The following TRRAP variants were observed in gnomAD, a reference collection of about 807,000 sequenced individuals.
TRRAP encodes transformation/transcription domain associated protein.
A neutral mutation model predicts 438.8 loss-of-function variants in TRRAP; 41 were observed. The observed-to-expected ratio is 0.09, with a 90% CI of 0.07 to 0.12. The LOEUF (loss-of-function observed/expected upper bound fraction) is 0.12, where lower values mean the gene tolerates loss of function less well. Among genes scored for constraint, TRRAP ranks in the 10% least tolerant of loss-of-function variants. The pLI is 1.00. For missense variants in TRRAP, 3,122 were observed against 5,055.1 expected (o/e 0.62, Z 11.60); for synonymous variants, 1,994 against 1,962.9 (o/e 1.02, Z -0.42).
chr7:98,902,686 A>G (rs536026856), intron 11 of TRRAP, among the ~76,000 whole-genome samples: 1 of 152,256 alleles, frequency 6.6e-6, no homozygotes, highest in South Asian at 2.1e-4. Flanking sequence ...TGACACCGCA[A>G]AAGAAGATTG....
At position 98,937,233 on chromosome 7, in the gene TRRAP, A is replaced by G. The variant is rs2116544232; in HGVS notation, c.4189A>G (p.Thr1397Ala). 6.2e-7 allele frequency: 1 copy of G among 1,613,524 alleles called. No homozygotes were observed. Among genetic ancestry groups the G allele is most frequent in the Non-Finnish European group, 8.5e-7 (1 of 1,179,622 alleles). Reference protein sequence around the residue: ...IAALFKALNSTNSELQEAGEA... With the variant: ...IAALFKALNSANSELQEAGEA... ...TGCACTCTTCAAAGCCCTGAATTCCACCAATAGTGAGCTCCAAGAGGCCGG... is the reference window on the plus strand; with the variant it reads ...TGCACTCTTCAAAGCCCTGAATTCCGCCAATAGTGAGCTCCAAGAGGCCGG... The change falls in exon 29 of 73, where the codon ACC becomes GCC. Residue 1397 changes from threonine to alanine, a missense_variant. By Grantham distance (58) the Thr-to-Ala change is moderately conservative. This residue lies in a region of TRRAP where 84 missense variants were observed against 119.8 expected (regional missense o/e 0.70). Transcript: ENST00000456197.
chr7:98,948,478 T>G lies in TRRAP; in HGVS notation c.4669-88T>G, dbSNP rs1791186464. The G allele has an allele frequency of 1.2e-6, 2 of 1,612,054 alleles. No individual in the cohort carries two copies. The highest frequency in any genetic ancestry group is 4.5e-5 in the East Asian group (2 of 44,866). ...CATTTGCTTGTGGGTGTTCATGCAC[T>G]CCAGTAACAAGGGACCTTGTTAGGT... On this transcript the variant is annotated intron_variant, in intron 34 of 72. Transcript: ENST00000456197. The surrounding 1 kb of genome is among the most constrained non-coding windows in gnomAD (Gnocchi z 4.9).
chr7:98,926,633 T>C (rs782474679), intron 22 of TRRAP, among the ~76,000 whole-genome samples: 4 of 151,894 alleles, frequency 2.6e-5, no homozygotes, highest in Admixed American at 6.6e-5. Flanking sequence ...CCATGGAAGA[T>C]TGAGGATGAG....
At chr7:98,974,048 C>T (rs1173671596) in intron 53 of TRRAP, among the ~76,000 whole-genome samples, 5 of 152,144 alleles carry the variant, frequency 3.3e-5, no homozygotes, top group Non-Finnish European at 7.3e-5. Flanking sequence ...ATGTTCTGGA[C>T]ACTGGAAACA....
At chr7:98,917,128 C>G (rs1789552513) in intron 19 of TRRAP, among the ~76,000 whole-genome samples, 1 of 152,100 alleles carries the variant, frequency 6.6e-6, no homozygotes, top group South Asian at 2.1e-4. Flanking sequence ...TTACTAAAGT[C>G]TGATAGTACA....
Position 98,948,318 on chromosome 7 carries a change from C to T in TRRAP, c.4646C>T (p.Thr1549Met). ...VKPLLEVVMK[T>M]ERAMLIEAGS... ...CCTTTGCTAGAGGTTGTCATGAAAA[C>T]GGAGCGGGCGATGCTGATCGAGGTA... The change falls in exon 34 of 73, where the codon ACG becomes ATG. Residue 1549 changes from threonine (T) to methionine (M), a missense_variant. By Grantham distance (81) the Thr-to-Met change is moderately conservative. This residue lies in a region of TRRAP where 108 missense variants were observed against 256.9 expected (regional missense o/e 0.42). Coordinates refer to ENST00000456197, the MANE Select transcript of TRRAP (RefSeq NM_001375524.1). This position sits in a 1 kb window ranked among gnomAD's most constrained non-coding sequence, Gnocchi z 4.9. 6.2e-7 allele frequency: 1 copy of T among 1,614,196 alleles called. No homozygotes were observed. The highest frequency in any genetic ancestry group is 8.5e-7 in the Non-Finnish European group (1 of 1,180,048).
rs200070124 is a variant in TRRAP at position 99,012,067 on chromosome 7, G to A, written c.11338-4G>A. ...CAAGTCGTCTCGTTCTCTCCCTCAC[G>A]CAGGTGGATGGCATTCTGAAAACGG... On this transcript the variant is annotated splice_polypyrimidine_tract_variant and splice_region_variant and intron_variant, in intron 72 of 72. Coordinates refer to ENST00000456197, the MANE Select transcript of TRRAP (RefSeq NM_001375524.1). This position sits in a 1 kb window ranked among gnomAD's most constrained non-coding sequence, Gnocchi z 5.9. The A allele has an allele frequency of 4.3e-5, 70 of 1,612,274 alleles. No individual in the cohort carries two copies. Among genetic ancestry groups the A allele is most frequent in the South Asian group, 5.5e-5 (5 of 91,020 alleles).
chr7:98,886,453 T>G (rs982184435), intron 3 of TRRAP, among the ~76,000 whole-genome samples: 2 of 152,034 alleles, frequency 1.3e-5, no homozygotes, highest in African/African-American at 4.8e-5. Context: ...TCTAGATAGA[T>G]ATAGATATCT....
At position 98,948,433 on chromosome 7, in the gene TRRAP, A is replaced by T; in HGVS notation, c.4668+93A>T. 6.2e-7 allele frequency: 1 copy of T among 1,610,134 alleles called. No individual in the cohort carries two copies. Among genetic ancestry groups the T allele is most frequent in the Non-Finnish European group, 8.5e-7 (1 of 1,178,108 alleles). ...TCGTATTTTCAATGGACGGAACAGC[A>T]TAAAGACGTTCGATGTCAACATTTG... On this transcript the variant is annotated intron_variant, in intron 34 of 72. Coordinates refer to ENST00000456197, the MANE Select transcript of TRRAP (RefSeq NM_001375524.1). The surrounding 1 kb of genome is among the most constrained non-coding windows in gnomAD (Gnocchi z 4.9).
intron 14 of TRRAP, 57 bp downstream of exon 14, chr7:98,909,019 ATTTTTTT>A (rs879955419): frequency 8.3e-5 from 91 of 1,091,210 alleles, no homozygotes; most frequent in Admixed American, 1.1e-4. Flanking sequence ...TTGTGGCTAA[ATTTTTTT>A]TTTTTTTTTT....
At chr7:98,895,861 T>C (rs1796175600) in intron 7 of TRRAP, 41 bp downstream of exon 7, 1 of 1,497,162 alleles carries the variant, frequency 6.7e-7, no homozygotes, top group Non-Finnish European at 9.1e-7. Context: ...CATTTGTTTA[T>C]ACTTCCTTAT....
chr7:98,909,255 C>T (rs1168244931), intron 14 of TRRAP, among the ~76,000 whole-genome samples: 2 of 152,006 alleles, frequency 1.3e-5, no homozygotes, highest in Non-Finnish European at 2.9e-5. Flanking sequence ...AACTCCTGGC[C>T]TCAAGTGATC....
Position 98,956,074 on chromosome 7 carries a change from C to T in TRRAP, c.5938-72C>T, listed in dbSNP as rs1445400390. ...GGCATGTCGGGGGTGTGTGTGTGCA[C>T]GTGCGCACACGTGCATGCACTGTGG... On this transcript the variant is annotated intron_variant, in intron 41 of 72. Transcript: ENST00000456197. The surrounding 1 kb of genome is among the most constrained non-coding windows in gnomAD (Gnocchi z 4.5). 11 of 1,528,952 alleles carry T rather than the reference C, an allele frequency of 7.2e-6. No individual in the cohort carries two copies. Among genetic ancestry groups the T allele is most frequent in the East Asian group, 6.8e-5 (3 of 43,958 alleles). 94.7% of individuals were successfully genotyped at this position (1,528,952 alleles called of 1,614,324 possible).
intron 59 of TRRAP, among the ~76,000 whole-genome samples, chr7:98,982,656 G>A (rs1251198636): frequency 1.3e-5 from 2 of 152,186 alleles, no homozygotes; most frequent in Non-Finnish European, 2.9e-5. Flanking sequence ...TGAGGATTGT[G>A]GCCAGGGCCT....
intron 64 of TRRAP, among the ~76,000 whole-genome samples, chr7:98,991,321 C>G (rs972383991): frequency 6.6e-6 from 1 of 152,212 alleles, no homozygotes; most frequent in Non-Finnish European, 1.5e-5. Context: ...TGAAGGTGTT[C>G]AGGAAGGAGC....
chr7:98,949,555 C>A lies in TRRAP; in HGVS notation c.4927C>A (p.Leu1643Met). ...PGSPSTSTMR[L>M]DLQFQAIKII... ...TTCGCCCAGCACCAGCACCATGCGCCTGGACCTCCAGTTCCAGGCCATCAA... is the reference window on the plus strand; with the variant it reads ...TTCGCCCAGCACCAGCACCATGCGCATGGACCTCCAGTTCCAGGCCATCAA... Residue 1643 changes from leucine (L) to methionine (M), a missense_variant, in exon 36 of 73, where the codon CTG becomes ATG. Physicochemically the swap from Leu to Met is conservative, Grantham distance 15. Coordinates refer to ENST00000456197, the MANE Select transcript of TRRAP (RefSeq NM_001375524.1). 1 of 1,587,946 alleles carries A rather than the reference C, an allele frequency of 6.3e-7. No individual in the cohort carries two copies. Among genetic ancestry groups the A allele is most frequent in the Non-Finnish European group, 8.6e-7 (1 of 1,167,420 alleles).
At chr7:98,950,660 C>T (rs1791293075) in intron 38 of TRRAP, among the ~76,000 whole-genome samples, 1 of 152,146 alleles carries the variant, frequency 6.6e-6, no homozygotes, top group Non-Finnish European at 1.5e-5. Flanking sequence ...GCTTGTTTGA[C>T]ATGAAAAGAA....
At chr7:98,953,520 T>C (rs1791442669) in intron 40 of TRRAP, 87 bp downstream of exon 40, 1 of 1,543,212 alleles carries the variant, frequency 6.5e-7, no homozygotes, top group African/African-American at 1.4e-5. Context: ...CAGCCTCTCC[T>C]GTTGTCTTCT....
chr7:98,967,375 T>A (rs1382037947), intron 50 of TRRAP, 110 bp from the exon 51 acceptor site: 22 of 1,377,912 alleles, frequency 1.6e-5, no homozygotes, highest in Non-Finnish European at 2.1e-5. Context: ...ATACTCTTGG[T>A]TTTCATAGTG....
Sources: gnomAD v4.1 joint callset for allele counts (sites outside exome capture counted in the v4.1 genomes callset) on GRCh38, gnomAD v4.1.1 for gene constraint, gnomAD v4.1.1 regional missense constraint, Gnocchi (gnomAD v3.1) non-coding constraint, MANE v1.5 for transcripts, NCBI Gene and HGNC (gene_info 2026-07-23, HGNC 2026-07-21) for gene names.